RAB11FIP5: variants seen among roughly 807,000 people sequenced by gnomAD.
RAB11FIP5 encodes the protein RAB11 family interacting protein 5, also known as rab11 family-interacting protein 5.
RAB11FIP5 carries 48 observed loss-of-function variants against 85.1 expected under a neutral mutation model. That is an observed-to-expected ratio of 0.56 (90% CI 0.45 to 0.72). The LOEUF is 0.72. RAB11FIP5 is among the 30% of genes least tolerant of loss of function. The pLI is 0.00. For missense variants in RAB11FIP5, 1,491 were observed against 1,687.0 expected, an observed-to-expected ratio of 0.88 and a Z score of 2.04; for synonymous variants, 729 against 727.3, an observed-to-expected ratio of 1.00 and a Z score of -0.04.
Position 73,089,434 on chromosome 2 carries a change from C to G in RAB11FIP5, c.432-119G>C, listed in dbSNP as rs1485261861. On this transcript the variant is annotated intron_variant, in intron 1 of 5. Coordinates refer to ENST00000486777, the MANE Select transcript of RAB11FIP5 (RefSeq NM_001371272.1). This position sits in a 1 kb window ranked among gnomAD's most constrained non-coding sequence, Gnocchi z 4.6. ...CTGAGAGCCACTGATAGCCTCTCCCCAAAGGCTCCTGCTCTGACCCATCGG... is the reference window on the plus strand; with the variant it reads ...CTGAGAGCCACTGATAGCCTCTCCCGAAAGGCTCCTGCTCTGACCCATCGG... The G allele has an allele frequency of 9.7e-7, 1 of 1,028,150 alleles. No homozygotes were observed. The highest frequency in any genetic ancestry group is 1.5e-6 in the Non-Finnish European group (1 of 658,760). 63.7% of individuals were successfully genotyped at this position (1,028,150 alleles called of 1,614,324 possible).
chr2:73,110,339 G>A (rs34839574), intron 1 of RAB11FIP5, among the ~76,000 whole-genome samples: 129 of 152,314 alleles, frequency 8.5e-4, no homozygotes, highest in African/African-American at 2.9e-3. Context: ...GACCACTACA[G>A]CCAGAGGTGG....
chr2:73,075,783 C>T lies in RAB11FIP5; in HGVS notation c.3772-59G>A, dbSNP rs1165806205. The stretch of plus-strand genomic sequence containing the variant: ...CCCTAGGCCTGCCTGCCTGCCTGCC[C>T]GCTTGCCCGCCCGCCCGCCTGCCCA... On this transcript the variant is annotated intron_variant, in intron 5 of 5. Coordinates refer to ENST00000486777, the MANE Select transcript of RAB11FIP5 (RefSeq NM_001371272.1). The surrounding 1 kb of genome is among the most constrained non-coding windows in gnomAD (Gnocchi z 4.6). 5 of 1,299,952 alleles carry T rather than the reference C, an allele frequency of 3.8e-6. No homozygotes were observed. Among genetic ancestry groups the T allele is most frequent in the South Asian group, 1.4e-5 (1 of 71,214 alleles). The allele number at this position is 1,299,952 out of a possible 1,614,324, so 80.5% of individuals were successfully genotyped here. A position where few individuals can be genotyped will look rare whatever the true frequency, so the allele number is the denominator to read the frequency against.
chr2:73,111,926 C>A (rs1465935904), intron 1 of RAB11FIP5, among the ~76,000 whole-genome samples: 1 of 152,228 alleles, frequency 6.6e-6, no homozygotes, highest in Non-Finnish European at 1.5e-5. Context: ...TAGGGCAAGG[C>A]TGCGCCTCTC....
rs563316291 is a variant in RAB11FIP5, at chr2:73,098,473, G to A, written c.432-9158C>T. ...GCGCTCAGAACAGGGCCCGGCACAC[G>A]GGAAACGCACACGAGCATCGGCTCT... On this transcript the variant is annotated intron_variant, in intron 1 of 5. Transcript: ENST00000486777. 5.9e-5 allele frequency among the ~76,000 whole-genome samples: 9 copies of A among 152,324 alleles called. No individual in the cohort carries two copies. The South Asian group carries it at 1.4e-3, about 25-fold the overall frequency.
At chr2:73,087,909 C>A (rs1436301858) in intron 3 of RAB11FIP5, 141 bp downstream of exon 3, 1 of 802,182 alleles carries the variant, frequency 1.2e-6, no homozygotes, top group Non-Finnish European at 2.0e-6. Context: ...TAGGGAGACA[C>A]CCCACTAAAC....
chr2:73,106,049 C>T (rs1369376821), intron 1 of RAB11FIP5, among the ~76,000 whole-genome samples: 5 of 152,070 alleles, frequency 3.3e-5, no homozygotes, highest in African/African-American at 7.2e-5. Flanking sequence ...CAGACCCTGA[C>T]CCCACCCCCT....
Position 73,081,321 on chromosome 2 carries a change from G to A in RAB11FIP5, c.1911C>T (p.Pro637=), listed in dbSNP as rs538964905. 2 of 1,232,870 alleles carry A rather than the reference G, an allele frequency of 1.6e-6. No homozygotes were observed. Among genetic ancestry groups the A allele is most frequent in the Middle Eastern group, 3.1e-4 (1 of 3,246 alleles). 76.4% of individuals were successfully genotyped at this position (1,232,870 alleles called of 1,614,324 possible). A position where few individuals can be genotyped will look rare whatever the true frequency, so the allele number is the denominator to read the frequency against. The change falls in exon 4 of 6, where the codon CCC becomes CCT. Residue 637 remains proline (P), a synonymous_variant. Coordinates refer to ENST00000486777, the MANE Select transcript of RAB11FIP5 (RefSeq NM_001371272.1). The surrounding 1 kb of genome is among the most constrained non-coding windows in gnomAD (Gnocchi z 4.2). The part of the protein sequence containing the change: ...LPSASRASPT[P]LASPGKALPE... ...GCAGGGCTTTCCCAGGGGAGGCCAG[G>A]GGGGTGGGGCTGGCCCTCGAGGCAC...
intron 1 of RAB11FIP5, among the ~76,000 whole-genome samples, chr2:73,100,021 G>A (rs1219663302): frequency 1.3e-5 from 2 of 152,142 alleles, no homozygotes; most frequent in Admixed American, 1.3e-4. Context: ...CAAAATACTG[G>A]GTGGGAGAGT....
chr2:73,112,436 G>T lies in RAB11FIP5; in HGVS notation c.342C>A (p.His114Gln). The part of the protein sequence containing the change: ...AACELVLTTM[H>Q]RSLIGVDKFL... ...ACTTGTCGACGCCGATGAGCGAGCG[G>T]TGCATGGTGGTGAGCACCAGCTCGC... Residue 114 changes from histidine (H) to glutamine (Q), a missense_variant, in exon 1 of 6, where the codon CAC becomes CAA. Physicochemically the swap from His to Gln is conservative, Grantham distance 24 (BLOSUM62 0). Transcript: ENST00000486777. The T allele has an allele frequency of 6.4e-7, 1 of 1,573,784 alleles. No homozygotes were observed. Among genetic ancestry groups the T allele is most frequent in the East Asian group, 2.5e-5 (1 of 40,526 alleles).
At chr2:73,091,742 T>A (rs1270067478) in intron 1 of RAB11FIP5, among the ~76,000 whole-genome samples, 4 of 152,188 alleles carry the variant, frequency 2.6e-5, no homozygotes, top group Admixed American at 2.6e-4. Flanking sequence ...TCTACATCCC[T>A]ATAGAAGAGC....
intron 1 of RAB11FIP5, among the ~76,000 whole-genome samples, chr2:73,093,364 A>G (rs754775193): frequency 6.6e-6 from 1 of 152,084 alleles, no homozygotes; most frequent in Non-Finnish European, 1.5e-5. Flanking sequence ...CTACAGCCAG[A>G]TCTGGCAGCA....
In RAB11FIP5 at chr2:73,080,993, C is replaced by T. The variant is rs930680162; in HGVS notation, c.2239G>A (p.Gly747Arg). The change falls in exon 4 of 6, where the codon GGG (glycine) becomes AGG (arginine). Residue 747 changes from glycine to arginine, a missense_variant. Gly to Arg is a moderately radical substitution (Grantham distance 125). Around this residue, in one of 3 missense-constraint regions of RAB11FIP5, gnomAD observed 1,211 missense variants for 1,338.0 expected, o/e 0.91. Coordinates refer to ENST00000486777, the MANE Select transcript of RAB11FIP5 (RefSeq NM_001371272.1). ...GCTGACGAGGAGGGCAGGCCAGCCC[C>T]TACCGACCCGAGGAGCCCTGGGTCA... ...AADPGLLGSV[G>R]AGLPSSSAQL... 18 of 1,232,248 alleles carry T rather than the reference C, an allele frequency of 1.5e-5. No homozygotes were observed. Among genetic ancestry groups the T allele is most frequent in the Non-Finnish European group, 1.5e-5 (15 of 988,122 alleles). The allele number at this position is 1,232,248 out of a possible 1,614,324, so 76.3% of individuals were successfully genotyped here. A position where few individuals can be genotyped will look rare whatever the true frequency, so the allele number is the denominator to read the frequency against.
chr2:73,103,504 C>T (rs1220401235), intron 1 of RAB11FIP5, among the ~76,000 whole-genome samples: 9 of 152,152 alleles, frequency 5.9e-5, no homozygotes, highest in Admixed American at 5.9e-4. Flanking sequence ...GGGTTGATAG[C>T]ACAGTGTAGG....
intron 3 of RAB11FIP5, 93 bp downstream of exon 3, chr2:73,087,957 C>A: frequency 2.4e-6 from 3 of 1,254,252 alleles, no homozygotes; most frequent in Non-Finnish European, 2.2e-6. Context: ...GCCTGAGGTC[C>A]ATATCTACTC....
chr2:73,089,073 AG>A lies in RAB11FIP5; in HGVS notation c.673del (p.Leu225TrpfsTer21). The A allele has an allele frequency of 1.2e-6, 2 of 1,614,216 alleles. No homozygotes were observed. The highest frequency in any genetic ancestry group is 1.7e-6 in the Non-Finnish European group (2 of 1,180,032). On this transcript the variant is annotated frameshift_variant, in exon 2 of 6. Coordinates refer to ENST00000486777, the MANE Select transcript of RAB11FIP5 (RefSeq NM_001371272.1). LOFTEE classifies it high-confidence loss of function. The surrounding 1 kb of genome is among the most constrained non-coding windows in gnomAD (Gnocchi z 4.6). ...GCCTTTGGCTTTGCCCATCTTGCCCAGGCTGCCCAGGTCAGGATCCTCTATG... is the reference window on the plus strand; with the variant it reads ...GCCTTTGGCTTTGCCCATCTTGCCCAGCTGCCCAGGTCAGGATCCTCTATG... ...SAIEDPDLGS[L>X]GKMGKAKGFF...
chr2:73,112,757 C>A lies in RAB11FIP5; in HGVS notation c.21G>T (p.Ala7=). ...AGCGGGAAGGCCCCGCCGCCGGCTC[C>A]GCGCCCCGCACCAGGGCCATGGCGG... The part of the protein sequence containing the change: MALVRG[A]EPAAGPSRWL... The change falls in exon 1 of 6, where the codon GCG becomes GCT. Residue 7 remains alanine, a synonymous_variant. Coordinates refer to ENST00000486777, the MANE Select transcript of RAB11FIP5 (RefSeq NM_001371272.1). 6.8e-7 allele frequency: 1 copy of A among 1,468,828 alleles called. No individual in the cohort carries two copies. Among genetic ancestry groups the A allele is most frequent in the Non-Finnish European group, 9.0e-7 (1 of 1,115,176 alleles). 91.0% of individuals were successfully genotyped at this position (1,468,828 alleles called of 1,614,324 possible).
intron 1 of RAB11FIP5, among the ~76,000 whole-genome samples, chr2:73,099,738 C>A (rs534473194): frequency 6.6e-6 from 1 of 152,344 alleles, no homozygotes; most frequent in South Asian, 2.1e-4. Context: ...TTGTTTTGAT[C>A]ATGCCCCCAA....
At chr2:73,093,336 C>G (rs1322085957) in intron 1 of RAB11FIP5, among the ~76,000 whole-genome samples, 1 of 152,166 alleles carries the variant, frequency 6.6e-6, no homozygotes, top group Non-Finnish European at 1.5e-5. Context: ...GGCATACACA[C>G]TCTGAACCAA....
rs1684695668 is a variant in RAB11FIP5, at chr2:73,112,760, G to GC, written c.17dup (p.Ala7ArgfsTer65). The GC allele has an allele frequency of 6.8e-7, 1 of 1,465,828 alleles. No individual in the cohort carries two copies. 90.8% of individuals were successfully genotyped at this position (1,465,828 alleles called of 1,614,324 possible). ...GGGAAGGCCCCGCCGCCGGCTCCGC[G>GC]CCCCGCACCAGGGCCATGGCGGAGA... On this transcript the variant is annotated frameshift_variant, in exon 1 of 6. Transcript: ENST00000486777. LOFTEE classifies it high-confidence loss of function.
Sources: gnomAD v4.1 joint callset for allele counts (sites outside exome capture counted in the v4.1 genomes callset) on GRCh38, gnomAD v4.1.1 for gene constraint, gnomAD v4.1.1 regional missense constraint, Gnocchi (gnomAD v3.1) non-coding constraint, MANE v1.5 for transcripts, NCBI Gene and HGNC (gene_info 2026-07-23, HGNC 2026-07-21) for gene names.